SLC39A11: variants seen among roughly 807,000 people sequenced by gnomAD.
SLC39A11 encodes solute carrier family 39 member 11.
A neutral mutation model predicts 36.1 loss-of-function variants in SLC39A11; 33 were observed. The ratio of observed to expected loss-of-function variants is 0.91; its 90% confidence interval spans 0.69 to 1.22. The LOEUF (loss-of-function observed/expected upper bound fraction) is 1.22, where lower values mean the gene tolerates loss of function less well. Ranked by LOEUF, SLC39A11 falls within the 50% of genes most tolerant of loss-of-function variation. The pLI is 0.00. For synonymous variants in SLC39A11, 166 were observed against 170.3 expected (o/e 0.97, Z 0.20); for missense variants, 432 against 430.3 (o/e 1.00, Z -0.03).
chr17:72,915,120 G>A (rs1313681291), intron 5 of SLC39A11, among the ~76,000 whole-genome samples: 3 of 152,066 alleles, frequency 2.0e-5, no homozygotes, highest in Admixed American at 6.6e-5. Context: ...CCCACCCCAC[G>A]TATTAATCAT....
At chr17:72,847,310 GGAGAATTGCTT>G (rs1329676614) in intron 6 of SLC39A11, among the ~76,000 whole-genome samples, 1 of 151,974 alleles carries the variant, frequency 6.6e-6, no homozygotes, top group Non-Finnish European at 1.5e-5. Context: ...GGCCGAGACA[GGAGAATTGCTT>G]GAACCGGGAA....
At chr17:73,016,356 CAA>C (rs2058167015) in intron 4 of SLC39A11, among the ~76,000 whole-genome samples, 1 of 146,776 alleles carries the variant, frequency 6.8e-6, no homozygotes, top group African/African-American at 2.5e-5. Flanking sequence ...TTTTTTTTGA[CAA>C]AGTCTCGCTC....
At chr17:72,657,950 G>C (rs530451065) in intron 7 of SLC39A11, among the ~76,000 whole-genome samples, 1 of 152,184 alleles carries the variant, frequency 6.6e-6, no homozygotes, top group Non-Finnish European at 1.5e-5. Flanking sequence ...GGGTCCTTGC[G>C]GGCTGCTGTC....
chr17:72,692,111 T>C (rs908293682), intron 7 of SLC39A11, among the ~76,000 whole-genome samples: 6 of 151,734 alleles, frequency 4.0e-5, no homozygotes, highest in African/African-American at 1.5e-4. Flanking sequence ...CCTGGGTTCA[T>C]GCCATTCTTC....
intron 3 of SLC39A11, among the ~76,000 whole-genome samples, chr17:73,049,416 C>G (rs913328311): frequency 6.6e-6 from 1 of 152,086 alleles, no homozygotes; most frequent in African/African-American, 2.4e-5. Context: ...CTTCCAGGAG[C>G]AGCAGGGCAG....
intron 3 of SLC39A11, among the ~76,000 whole-genome samples, chr17:73,078,054 T>G (rs145061855): frequency 1.3e-5 from 2 of 151,924 alleles, no homozygotes; most frequent in Admixed American, 1.3e-4. Flanking sequence ...CTGGCTAACA[T>G]GGTGAAACCC....
At chr17:72,957,010 T>G (rs963167688) in intron 4 of SLC39A11, among the ~76,000 whole-genome samples, 1 of 151,996 alleles carries the variant, frequency 6.6e-6, no homozygotes, top group African/African-American at 2.4e-5. Context: ...AGATGGCACA[T>G]GCACCTGGCA....
intron 7 of SLC39A11, among the ~76,000 whole-genome samples, chr17:72,690,822 G>C (rs1166823955): frequency 2.0e-5 from 3 of 152,098 alleles, no homozygotes; most frequent in African/African-American, 7.2e-5. Flanking sequence ...ACTTGTGAAG[G>C]TCACAGCAGG....
At chr17:72,821,328 C>G (rs1456379525) in intron 6 of SLC39A11, among the ~76,000 whole-genome samples, 1 of 149,818 alleles carries the variant, frequency 6.7e-6, no homozygotes, top group Non-Finnish European at 1.5e-5. Flanking sequence ...CATGGTAAAA[C>G]TCCGTCTCTA....
rs563757021 is a variant in SLC39A11 at position 72,947,477 on chromosome 17, C to A, written c.430+275G>T. On this transcript the variant is annotated intron_variant, in intron 5 of 9. Transcript: ENST00000255559. ...AGCAGCCCCATCACCATCAGAGTGA[C>A]CCCACTGTCCACCTGTCCAAGTCGA... 23 of 493,388 alleles carry A rather than the reference C, an allele frequency of 4.7e-5. 1 individual carries two copies. The South Asian group carries it at 5.8e-4, about 12-fold the overall frequency. The allele number at this position is 493,388 out of a possible 1,614,324, so 30.6% of individuals were successfully genotyped here.
At chr17:72,978,927 GTGAC>G (rs1269547571) in intron 4 of SLC39A11, among the ~76,000 whole-genome samples, 1 of 152,188 alleles carries the variant, frequency 6.6e-6, no homozygotes, top group Non-Finnish European at 1.5e-5. Flanking sequence ...TTTCAATGAG[GTGAC>G]TGACTAGCCA....
rs2058485264 is a variant in SLC39A11 at position 73,025,004 on chromosome 17, C to T, written c.306+6552G>A. ...ATGCTGAGATTATAGGCATGAGCTA[C>T]CGCGCCTGGCCAAAACTGGGTACAT... is the stretch of plus-strand genomic sequence containing the variant. On this transcript the variant is annotated intron_variant, in intron 4 of 9. Transcript: ENST00000255559. Among the ~76,000 whole-genome samples, 5 of 151,856 alleles carry T rather than the reference C, an allele frequency of 3.3e-5. No homozygotes were observed. In the South Asian group the frequency reaches 8.3e-4, roughly 25 times the overall value.
intron 5 of SLC39A11, among the ~76,000 whole-genome samples, chr17:72,886,589 G>A (rs901095492): frequency 2.6e-5 from 4 of 152,058 alleles, no homozygotes; most frequent in Non-Finnish European, 4.4e-5. Context: ...ACCCTTGTCC[G>A]CCAGCTCCCA....
intron 4 of SLC39A11, among the ~76,000 whole-genome samples, chr17:72,993,131 A>G (rs547527222): frequency 1.6e-4 from 24 of 152,254 alleles, no homozygotes; most frequent in African/African-American, 5.3e-4. Flanking sequence ...ATTCAAGATG[A>G]GATTTGGGTG....
At chr17:73,001,168 C>T (rs558137027) in intron 4 of SLC39A11, among the ~76,000 whole-genome samples, 5 of 152,172 alleles carry the variant, frequency 3.3e-5, no homozygotes, top group African/African-American at 1.2e-4. Flanking sequence ...TCTATTTCCT[C>T]ATCCCGAGCA....
intron 7 of SLC39A11, among the ~76,000 whole-genome samples, chr17:72,718,250 C>A (rs983581079): frequency 6.6e-6 from 1 of 152,030 alleles, no homozygotes; most frequent in Non-Finnish European, 1.5e-5. Flanking sequence ...GAGTTTGAGA[C>A]CTGGTGAAAC....
chr17:73,046,339 C>T (rs1293711695), intron 3 of SLC39A11, among the ~76,000 whole-genome samples: 1 of 152,046 alleles, frequency 6.6e-6, no homozygotes, highest in Non-Finnish European at 1.5e-5. Flanking sequence ...CCTAATTCAC[C>T]AGAGGGATGC....
chr17:72,661,577 C>G (rs2070422286), intron 7 of SLC39A11, among the ~76,000 whole-genome samples: 1 of 152,148 alleles, frequency 6.6e-6, no homozygotes, highest in Admixed American at 6.5e-5. Flanking sequence ...CCGTGAAAGG[C>G]CTGATTGTTC....
chr17:72,795,927 A>C (rs1429543625), intron 6 of SLC39A11, among the ~76,000 whole-genome samples: 2 of 152,210 alleles, frequency 1.3e-5, no homozygotes, highest in Non-Finnish European at 2.9e-5. Flanking sequence ...TGGATGAATA[A>C]GCAAATGAGC....
Sources: gnomAD v4.1 joint callset for allele counts (sites outside exome capture counted in the v4.1 genomes callset) on GRCh38, gnomAD v4.1.1 for gene constraint, MANE v1.5 for transcripts, NCBI Gene and HGNC (gene_info 2026-07-23, HGNC 2026-07-21) for gene names.